Variants in HSF2BP observed in about 807,000 individuals in gnomAD.
HSF2BP encodes heat shock factor 2-binding protein.
In HSF2BP, 35 loss-of-function variants were observed where a neutral mutation model predicts 35.0. The ratio of observed to expected loss-of-function variants is 1.00; its 90% CI spans 0.76 to 1.32. The LOEUF (loss-of-function observed/expected upper bound fraction) is 1.32, where lower values mean the gene tolerates loss of function less well. HSF2BP is among the 40% of genes most tolerant of loss of function. The pLI, the probability that HSF2BP is intolerant of heterozygous loss-of-function variation, is 0.00. For synonymous variants in HSF2BP, 114 were observed against 117.4 expected (o/e 0.97, Z 0.18); for missense variants, 326 against 321.7 (o/e 1.01, Z -0.10).
intron 4 of HSF2BP, among the ~76,000 whole-genome samples, chr21:43,637,667 T>G (rs1485271239): frequency 1.3e-5 from 2 of 150,754 alleles, no homozygotes; most frequent in South Asian, 2.1e-4. Context: ...AAAAAAAAAT[T>G]AGCTGTATGG....
At chr21:43,635,286 C>A (rs2082536399) in intron 4 of HSF2BP, among the ~76,000 whole-genome samples, 1 of 152,046 alleles carries the variant, frequency 6.6e-6, no homozygotes, top group Admixed American at 6.5e-5. Context: ...CAACACAATC[C>A]CTATCAAAAT....
intron 3 of HSF2BP, among the ~76,000 whole-genome samples, chr21:43,649,861 TA>T (rs1166281120): frequency 6.6e-6 from 1 of 152,374 alleles, no homozygotes; most frequent in East Asian, 1.9e-4. Flanking sequence ...GATTTAATTG[TA>T]AAACAAAAAT....
At chr21:43,653,568 C>G (rs987438807) in intron 3 of HSF2BP, among the ~76,000 whole-genome samples, 5 of 152,256 alleles carry the variant, frequency 3.3e-5, no homozygotes, top group East Asian at 1.9e-4. Context: ...TAATATAAAG[C>G]CTTTTAAGCC....
At chr21:43,637,317 A>G (rs564368396) in intron 4 of HSF2BP, among the ~76,000 whole-genome samples, 12 of 152,196 alleles carry the variant, frequency 7.9e-5, no homozygotes, top group African/African-American at 2.9e-4. Context: ...TATTATACAC[A>G]TATTATATAA....
At chr21:43,608,251 C>T (rs1407128556) in intron 7 of HSF2BP, among the ~76,000 whole-genome samples, 2 of 151,970 alleles carry the variant, frequency 1.3e-5, no homozygotes, top group Non-Finnish European at 2.9e-5. Flanking sequence ...AACAAATCAA[C>T]AAGAAAAAAC....
rs189110327 is a variant in HSF2BP at position 43,645,585 on chromosome 21, C to T, written c.188-1193G>A. On this transcript the variant is annotated intron_variant, in intron 3 of 8. Transcript: ENST00000291560. The stretch of plus-strand genomic sequence containing the variant: ...AGGAATTTCACTTCTTTACACATTC[C>T]CTCTCCTAATCCTTGAACTGAGAAA... 2.6e-4 allele frequency among the ~76,000 whole-genome samples: 39 copies of T among 152,280 alleles called. 1 individual carries two copies. The highest frequency in any genetic ancestry group is 9.4e-4 in the African/African-American group (39 of 41,566).
At chr21:43,619,597 C>A (rs1014642999) in intron 6 of HSF2BP, among the ~76,000 whole-genome samples, 1 of 152,212 alleles carries the variant, frequency 6.6e-6, no homozygotes, top group Admixed American at 6.5e-5. Context: ...ATGTGCCCAG[C>A]ACCAAGCGTG....
At chr21:43,598,100 G>T (rs2082007335) in intron 7 of HSF2BP, among the ~76,000 whole-genome samples, 1 of 152,154 alleles carries the variant, frequency 6.6e-6, no homozygotes, top group Non-Finnish European at 1.5e-5. Flanking sequence ...ACTGAAAAGT[G>T]AATCAACTCC....
the HSF2BP span, among the ~76,000 whole-genome samples, chr21:43,467,852 C>CA: frequency 9.8e-6 from 1 of 102,500 alleles, no homozygotes; most frequent in Non-Finnish European, 2.1e-5. Flanking sequence ...CACATACACA[C>CA]CACACACCAC....
At chr21:43,636,008 G>A (rs1160316484) in intron 4 of HSF2BP, among the ~76,000 whole-genome samples, 16 of 144,296 alleles carry the variant, frequency 1.1e-4, no homozygotes, top group African/African-American at 2.8e-4. Context: ...CGGGAGGATC[G>A]AGACCATCCT....
chr21:43,509,153 GAGA>G, the HSF2BP span, among the ~76,000 whole-genome samples: 4 of 25,288 alleles, frequency 1.6e-4, no homozygotes, highest in South Asian at 0.01. Flanking sequence ...TGCTGCTGGT[GAGA>G]AGGAGGGGAG....
At chr21:43,601,284 C>T (rs1030735646) in intron 7 of HSF2BP, among the ~76,000 whole-genome samples, 16 of 152,124 alleles carry the variant, frequency 1.1e-4, no homozygotes, top group African/African-American at 3.4e-4. Context: ...CACGTCCAAT[C>T]GGAAGCTTGT....
chr21:43,658,232 G>A lies in HSF2BP; in HGVS notation c.-136C>T. ...CAGGCCCAAACCTCCCAGAATTTGC[G>A]CAGTATTCTCGGCCTAGAGAGCGAG... On this transcript the variant is annotated 5_prime_UTR_variant, in exon 2 of 9. Transcript: ENST00000291560. 1 of 1,056,158 alleles carries A rather than the reference G, an allele frequency of 9.5e-7. No homozygotes were observed. The highest frequency in any genetic ancestry group is 1.3e-6 in the Non-Finnish European group (1 of 760,700). 65.4% of individuals were successfully genotyped at this position (1,056,158 alleles called of 1,614,324 possible).
intron 6 of HSF2BP, among the ~76,000 whole-genome samples, chr21:43,618,652 G>C (rs2082297272): frequency 6.6e-6 from 1 of 152,000 alleles, no homozygotes; most frequent in African/African-American, 2.4e-5. Flanking sequence ...AAGAATTAAA[G>C]CTGGCCGGGC....
intron 7 of HSF2BP, among the ~76,000 whole-genome samples, chr21:43,606,607 G>C (rs886407650): frequency 6.6e-6 from 1 of 152,208 alleles, no homozygotes; most frequent in African/African-American, 2.4e-5. Flanking sequence ...CCACAGTGAA[G>C]GGCACAGCAA....
At chr21:43,647,178 A>C (rs1175234746) in intron 3 of HSF2BP, among the ~76,000 whole-genome samples, 2 of 152,196 alleles carry the variant, frequency 1.3e-5, no homozygotes, top group African/African-American at 4.8e-5. Flanking sequence ...TAATATGAAC[A>C]GTGAATATTA....
At chr21:43,576,999 G>A (rs983649603) in intron 8 of HSF2BP, among the ~76,000 whole-genome samples, 1 of 152,140 alleles carries the variant, frequency 6.6e-6, no homozygotes, top group South Asian at 2.1e-4. Context: ...GTAGGTCAAC[G>A]AATTTAATTC....
chr21:43,603,258 A>G (rs1441839297), intron 7 of HSF2BP, among the ~76,000 whole-genome samples: 1 of 152,198 alleles, frequency 6.6e-6, no homozygotes, highest in Admixed American at 6.5e-5. Context: ...GTGCCAGGAC[A>G]GCGCTCAGGG....
chr21:43,595,726 A>ATTTTGTTTTTTTTTT (rs2081976713), intron 7 of HSF2BP, among the ~76,000 whole-genome samples: 1 of 58,416 alleles, frequency 1.7e-5, no homozygotes, highest in African/African-American at 6.1e-5. Context: ...TAAGAGGCTA[A>ATTTTGTTTTTTTTTT]TTTTTTTTTT....
Sources: allele counts gnomAD v4.1 joint callset (sites outside exome capture counted in the v4.1 genomes callset), GRCh38; gene constraint gnomAD v4.1.1; transcripts MANE v1.5; gene names NCBI Gene and HGNC (gene_info 2026-07-23, HGNC 2026-07-21).